The following CBR4 variants were observed in gnomAD, a reference collection of about 807,000 sequenced individuals.
CBR4 encodes 3-oxoacyl-[acyl-carrier-protein] reductase.
Under a neutral mutation model 21.0 loss-of-function variants are expected in CBR4, and 22 were observed. The ratio of observed to expected loss-of-function variants is 1.05; its 90% CI spans 0.75 to 1.50. The LOEUF is 1.50. Ranked by LOEUF, CBR4 falls within the 40% of genes most tolerant of loss-of-function variation. CBR4 has a pLI of 0.00. For synonymous variants in CBR4, 100 were observed against 104.4 expected, an observed-to-expected ratio of 0.96 and a Z score of 0.26; for missense variants, 302 against 286.3, an observed-to-expected ratio of 1.05 and a Z score of -0.40.
chr4:168,981,147 C>T (rs545881061), intron 2 of CBR4, among the ~76,000 whole-genome samples: 9 of 152,256 alleles, frequency 5.9e-5, no homozygotes, highest in African/African-American at 2.2e-4. Flanking sequence ...CACCTGTAAT[C>T]CCAGCACTTT....
downstream of CBR4, among the ~76,000 whole-genome samples, chr4:168,982,721 C>A (rs2126786560): frequency 6.6e-6 from 1 of 152,284 alleles, no homozygotes; most frequent in Non-Finnish European, 1.5e-5. Flanking sequence ...CAACCTCACT[C>A]TCATACCACA....
chr4:168,926,108 C>T (rs1032176469), intron 2 of CBR4: 8 of 917,202 alleles, frequency 8.7e-6, no homozygotes, highest in Non-Finnish European at 1.1e-5. Context: ...TGGATGTGTT[C>T]AGGTGCCTTG....
chr4:168,922,054 A>G (rs1761623017), intron 2 of CBR4, among the ~76,000 whole-genome samples: 1 of 151,128 alleles, frequency 6.6e-6, no homozygotes, highest in African/African-American at 2.4e-5. Context: ...TCCAAGAACC[A>G]AAGAATTTGC....
intron 2 of CBR4, among the ~76,000 whole-genome samples, chr4:168,935,483 T>C (rs1341124757): frequency 6.6e-6 from 1 of 152,078 alleles, no homozygotes; most frequent in Non-Finnish European, 1.5e-5. Context: ...TCTGACCCCC[T>C]ATGGAGCCCA....
intron 2 of CBR4, among the ~76,000 whole-genome samples, chr4:169,007,224 AAT>A (rs1485497270): frequency 4.3e-4 from 66 of 152,338 alleles, no homozygotes; most frequent in African/African-American, 9.4e-4. Context: ...CAAGAAAATT[AAT>A]ATGTTATCTA....
At chr4:168,986,839 G>C (rs1327235002), downstream of CBR4, among the ~76,000 whole-genome samples, 1 of 152,158 alleles carries the variant, frequency 6.6e-6, no homozygotes, top group Non-Finnish European at 1.5e-5. Context: ...CCACTTGGGA[G>C]GCTAAGGCAG....
chr4:168,902,405 T>C (rs1460717456), intron 2 of CBR4, among the ~76,000 whole-genome samples: 1 of 152,180 alleles, frequency 6.6e-6, no homozygotes, highest in Admixed American at 6.5e-5. Context: ...ATCTCAGCCA[T>C]GTTAGGGCTG....
In CBR4 at chr4:168,989,128, T is replaced by C. The variant is rs1764796069; in HGVS notation, c.*1022A>G. ...TTTAATGTTATTGCATATTTATTTA[T>C]TTTTTATGCTTATTCATACAGAATT... is the stretch of plus-strand genomic sequence containing the variant. On this transcript the variant is annotated 3_prime_UTR_variant, in exon 5 of 5. Transcript: ENST00000306193. The C allele has an allele frequency of 2.1e-6, 2 of 970,860 alleles. No homozygotes were observed. The highest frequency in any genetic ancestry group is 1.8e-5 in the African/African-American group (1 of 56,954). The allele number at this position is 970,860 out of a possible 1,614,324, so 60.1% of individuals were successfully genotyped here.
chr4:168,985,912 G>A (rs1477526106), downstream of CBR4, among the ~76,000 whole-genome samples: 1 of 152,170 alleles, frequency 6.6e-6, no homozygotes, highest in African/African-American at 2.4e-5. Context: ...ACTTGAAAGT[G>A]GAGGGTGGGA....
chr4:168,982,649 A>T (rs1393223544), downstream of CBR4, among the ~76,000 whole-genome samples: 4 of 152,184 alleles, frequency 2.6e-5, no homozygotes, highest in Admixed American at 2.6e-4. Flanking sequence ...ACATACTCTA[A>T]AACTGACTAC....
intron 2 of CBR4, among the ~76,000 whole-genome samples, chr4:168,910,193 T>C (rs938760547): frequency 1.3e-5 from 2 of 151,614 alleles, no homozygotes; most frequent in African/African-American, 4.8e-5. Context: ...TGTGTGACCT[T>C]TCCAGAGTAG....
intron 2 of CBR4, among the ~76,000 whole-genome samples, chr4:168,896,862 G>A (rs556562427): frequency 8.6e-5 from 13 of 151,684 alleles, no homozygotes; most frequent in Admixed American, 2.6e-4. Context: ...ATGGAGTTTC[G>A]CTCTTGTTGC....
At chr4:169,008,302 A>G (rs574686429) in intron 1 of CBR4, among the ~76,000 whole-genome samples, 1 of 152,242 alleles carries the variant, frequency 6.6e-6, no homozygotes, top group East Asian at 1.9e-4. Context: ...AAAAATGCTA[A>G]AACTACAAAC....
intron 2 of CBR4, among the ~76,000 whole-genome samples, chr4:168,938,571 C>G (rs948165982): frequency 4.0e-5 from 6 of 151,778 alleles, no homozygotes; most frequent in Admixed American, 3.9e-4. Context: ...AGCCAGGCTA[C>G]TAAAGAAGAA....
intron 2 of CBR4, among the ~76,000 whole-genome samples, chr4:168,928,793 G>A (rs1459493837): frequency 1.3e-5 from 2 of 152,214 alleles, no homozygotes; most frequent in African/African-American, 4.8e-5. Context: ...TTCAGGGTTA[G>A]TGGTGAGAAT....
At chr4:168,944,499 T>A (rs1049134336) in intron 2 of CBR4, among the ~76,000 whole-genome samples, 1 of 150,290 alleles carries the variant, frequency 6.7e-6, no homozygotes, top group African/African-American at 2.4e-5. Flanking sequence ...GAAGAAAATT[T>A]AAAAAAAAGA....
At chr4:168,954,422 A>C (rs1763628257) in intron 2 of CBR4, among the ~76,000 whole-genome samples, 1 of 152,164 alleles carries the variant, frequency 6.6e-6, no homozygotes, top group Non-Finnish European at 1.5e-5. Context: ...CTGCTTGGCC[A>C]TTTGGTGAGG....
chr4:169,001,122 C>G (rs2126848895), intron 4 of CBR4: 1 of 151,692 alleles, frequency 6.6e-6, no homozygotes, highest in East Asian at 1.9e-4. Context: ...ATAGCTGGGA[C>G]TATAGGTGTG....
At chr4:169,009,023 G>C in intron 1 of CBR4, 2 of 452,792 alleles carry the variant, frequency 4.4e-6, no homozygotes, top group Non-Finnish European at 8.8e-6. Context: ...ATCAGGAGTT[G>C]GGGTCCAGCA....
Sources: gnomAD v4.1 joint callset for allele counts (sites outside exome capture counted in the v4.1 genomes callset) on GRCh38, gnomAD v4.1.1 for gene constraint, MANE v1.5 for transcripts, NCBI Gene and HGNC (gene_info 2026-07-23, HGNC 2026-07-21) for gene names.